Variants in ABCC1 observed in about 807,000 individuals in gnomAD.
ABCC1 encodes ATP binding cassette subfamily C member 1 (ABCC1 blood group), also known as multidrug resistance-associated protein 1.
Under a neutral mutation model 172.9 loss-of-function variants are expected in ABCC1, and 83 were observed. The observed-to-expected ratio is 0.48, with a 90% CI of 0.40 to 0.58. The LOEUF (loss-of-function observed/expected upper bound fraction) is 0.58. Among genes scored for constraint, ABCC1 ranks in the 20% least tolerant of loss-of-function variants. The pLI, the probability that ABCC1 is intolerant of heterozygous loss-of-function variation, is 0.00. For missense variants in ABCC1, 1,817 were observed against 2,002.7 expected, an observed-to-expected ratio of 0.91 and a Z score of 1.77; for synonymous variants, 937 against 825.2, an observed-to-expected ratio of 1.14 and a Z score of -2.32.
At chr16:16,115,570 C>T (rs1047314201) in intron 23 of ABCC1, among the ~76,000 whole-genome samples, 4 of 152,102 alleles carry the variant, frequency 2.6e-5, no homozygotes, top group African/African-American at 9.7e-5. Flanking sequence ...TGGTCTCAAA[C>T]TCCTGAGCTC....
chr16:16,084,237 G>C (rs2050920194), intron 17 of ABCC1, among the ~76,000 whole-genome samples: 2 of 152,154 alleles, frequency 1.3e-5, no homozygotes, highest in South Asian at 4.1e-4. Context: ...TGAGGGGCTG[G>C]AATTACAGGT....
intron 13 of ABCC1, among the ~76,000 whole-genome samples, chr16:16,069,415 C>T (rs2050247375): frequency 6.6e-6 from 1 of 151,292 alleles, no homozygotes; most frequent in Non-Finnish European, 1.5e-5. Flanking sequence ...CAATGTAGAC[C>T]ATGTAGAATC....
At chr16:16,074,211 A>G (rs1160210955) in intron 14 of ABCC1, among the ~76,000 whole-genome samples, 3 of 152,186 alleles carry the variant, frequency 2.0e-5, no homozygotes, top group African/African-American at 7.2e-5. Flanking sequence ...AGTAGTATCC[A>G]TCCCAATTTT....
chr16:16,002,263 G>A (rs1476761494), intron 1 of ABCC1, among the ~76,000 whole-genome samples: 1 of 152,054 alleles, frequency 6.6e-6, no homozygotes, highest in Admixed American at 6.6e-5. Context: ...ATTATGTAAC[G>A]TATGCTTCCT....
At chr16:16,052,327 G>A (rs376161038) in intron 10 of ABCC1, among the ~76,000 whole-genome samples, 1 of 152,024 alleles carries the variant, frequency 6.6e-6, no homozygotes, top group East Asian at 1.9e-4. Context: ...AAGACCTAAT[G>A]CTTACCTGTA....
chr16:16,059,676 G>A (rs549921735), intron 12 of ABCC1, among the ~76,000 whole-genome samples: 192 of 151,988 alleles, frequency 1.3e-3, no homozygotes, highest in African/African-American at 4.1e-3. Context: ...GTGGTGGTGC[G>A]CACCTGTGGT....
chr16:16,078,654 C>T (rs1567379305), intron 15 of ABCC1, among the ~76,000 whole-genome samples: 1 of 152,062 alleles, frequency 6.6e-6, no homozygotes, highest in Non-Finnish European at 1.5e-5. Flanking sequence ...GTGTGGGACA[C>T]TCCTGCTTTT....
intron 1 of ABCC1, among the ~76,000 whole-genome samples, chr16:16,000,810 T>A (rs147374209): frequency 2.4e-4 from 36 of 152,182 alleles, no homozygotes; most frequent in African/African-American, 6.7e-4. Context: ...GGTGGACAAG[T>A]AAGAAGATCA....
intron 7 of ABCC1, among the ~76,000 whole-genome samples, chr16:16,038,362 T>C (rs1246621855): frequency 6.6e-6 from 1 of 152,194 alleles, no homozygotes; most frequent in African/African-American, 2.4e-5. Context: ...GATGGTGGAA[T>C]TCTCAGTCCA....
chr16:16,139,306 A>AT (rs147205882), intron 30 of ABCC1, among the ~76,000 whole-genome samples: 33,565 of 151,800 alleles, frequency 0.22, 4,180 homozygotes, highest in South Asian at 0.45. Context: ...AAAAGGTTTT[A>AT]TTTTTTTTAA....
At chr16:16,016,449 C>T (rs779591269) in intron 4 of ABCC1, 47 bp from the exon 5 acceptor site, 4 of 1,609,606 alleles carry the variant, frequency 2.5e-6, no homozygotes, top group South Asian at 2.2e-5. Context: ...CCACCACACC[C>T]AGCCCCAGAA....
chr16:15,989,405 T>A, intron 1 of ABCC1, among the ~76,000 whole-genome samples: 1 of 152,158 alleles, frequency 6.6e-6, no homozygotes, highest in East Asian at 1.9e-4. Flanking sequence ...TGGGAGACTT[T>A]AGCCTTTCTC....
chr16:16,060,543 G>T (rs1348511926), intron 12 of ABCC1, among the ~76,000 whole-genome samples: 6 of 151,602 alleles, frequency 4.0e-5, no homozygotes, highest in African/African-American at 1.5e-4. Flanking sequence ...TTTTTTTTGG[G>T]ACTGAGTCTC....
At chr16:16,002,202 C>T (rs947492529) in intron 1 of ABCC1, among the ~76,000 whole-genome samples, 2 of 152,102 alleles carry the variant, frequency 1.3e-5, no homozygotes, top group African/African-American at 4.8e-5. Context: ...ATGTATACTG[C>T]GGGATGATCT....
At chr16:16,113,523 C>T (rs2044713730) in intron 22 of ABCC1, among the ~76,000 whole-genome samples, 2 of 151,982 alleles carry the variant, frequency 1.3e-5, no homozygotes, top group Admixed American at 6.6e-5. Context: ...GGCGTGGTGG[C>T]GCATGTCTGT....
intron 14 of ABCC1, among the ~76,000 whole-genome samples, chr16:16,075,184 A>C (rs1351849588): frequency 6.6e-6 from 1 of 151,904 alleles, no homozygotes; most frequent in African/African-American, 2.4e-5. Context: ...ACATCAGGTG[A>C]TCTGCCCGCC....
intron 1 of ABCC1, among the ~76,000 whole-genome samples, chr16:15,978,609 G>T (rs1046934164): frequency 3.9e-5 from 6 of 152,108 alleles, no homozygotes; most frequent in Admixed American, 1.3e-4. Flanking sequence ...TATAAATGTG[G>T]TTGTTTCTGG....
At chr16:15,965,814 C>G (rs1286759265) in intron 1 of ABCC1, among the ~76,000 whole-genome samples, 1 of 151,880 alleles carries the variant, frequency 6.6e-6, no homozygotes, top group African/African-American at 2.4e-5. Context: ...CCAGGCTGGT[C>G]TCGAACTCCT....
intron 1 of ABCC1, among the ~76,000 whole-genome samples, chr16:15,970,459 G>C (rs973732015): frequency 6.6e-6 from 1 of 152,252 alleles, no homozygotes; most frequent in Non-Finnish European, 1.5e-5. Flanking sequence ...GTTACTCAGG[G>C]ATGAGGGAGA....
Sources: gnomAD v4.1 joint callset for allele counts (sites outside exome capture counted in the v4.1 genomes callset) on GRCh38, gnomAD v4.1.1 for gene constraint, MANE v1.5 for transcripts, NCBI Gene and HGNC (gene_info 2026-07-23, HGNC 2026-07-21) for gene names.